PALLD: variants seen among roughly 807,000 people sequenced by gnomAD.
PALLD encodes the protein palladin, cytoskeletal associated protein.
In PALLD, 61 loss-of-function variants were observed where a neutral mutation model predicts 123.5. The ratio of observed to expected loss-of-function variants is 0.49; its 90% CI spans 0.40 to 0.61. PALLD has a LOEUF of 0.61. Among genes scored for constraint, PALLD ranks in the 20% least tolerant of loss-of-function variants. The pLI is 0.00. For synonymous variants in PALLD, 465 were observed against 496.4 expected (o/e 0.94, Z 0.84); for missense variants, 1,273 against 1,377.0 (o/e 0.92, Z 1.20).
chr4:168,782,336 A>G (rs888715960), intron 10 of PALLD, among the ~76,000 whole-genome samples: 3 of 152,244 alleles, frequency 2.0e-5, no homozygotes, highest in African/African-American at 7.2e-5. Context: ...GTAGATGCTT[A>G]ATTTTTAAAA....
chr4:168,828,701 A>T (rs1484405420), intron 10 of PALLD, among the ~76,000 whole-genome samples: 2 of 152,272 alleles, frequency 1.3e-5, no homozygotes, highest in Non-Finnish European at 2.9e-5. Flanking sequence ...TTTTCTCCCC[A>T]AATACTTGGC....
chr4:168,832,709 C>T (rs1744454781), intron 10 of PALLD: 1 of 152,308 alleles, frequency 6.6e-6, no homozygotes, highest in African/African-American at 2.4e-5. Flanking sequence ...CAAGCCCATC[C>T]TCCTTTCTTT....
At chr4:168,571,977 A>C (rs953868204) in intron 2 of PALLD, among the ~76,000 whole-genome samples, 1 of 152,162 alleles carries the variant, frequency 6.6e-6, no homozygotes, top group African/African-American at 2.4e-5. Context: ...CTGTAATCCC[A>C]GCACTTTGGG....
chr4:168,657,704 C>T (rs562377403), intron 2 of PALLD, among the ~76,000 whole-genome samples: 2 of 152,304 alleles, frequency 1.3e-5, no homozygotes, highest in African/African-American at 2.4e-5. Flanking sequence ...GGAACAGGCA[C>T]CTGAGACTAG....
In PALLD at chr4:168,785,058, C is replaced by CTTT. The variant is rs746597278; in HGVS notation, c.1964+73162_1964+73164dup. On this transcript the variant is annotated intron_variant, in intron 10 of 21. Coordinates refer to ENST00000505667, the MANE Select transcript of PALLD (RefSeq NM_001166108.2). ...AGCCCCAGCTTTTTTCTCCCTTTTG[C>CTTT]TTTTTTTTTTTTTTTTTTTTTTTTT... is the stretch of plus-strand genomic sequence containing the variant. Among the ~76,000 whole-genome samples the CTTT allele has an allele frequency of 9.0e-3, 763 of 84,710 alleles. 113 individuals carry two copies. The highest frequency in any genetic ancestry group is 0.034 in the African/African-American group (676 of 19,854). 55.6% of individuals were successfully genotyped at this position (84,710 alleles called of 152,430 possible).
Position 168,770,168 on chromosome 4 carries a change from T to C in PALLD, c.1964+58245T>C, listed in dbSNP as rs77257648. 0.011 allele frequency among the ~76,000 whole-genome samples: 1,631 copies of C among 152,320 alleles called. 76 individuals are homozygous for C. In the East Asian group the frequency reaches 0.17, roughly 16 times the overall value. ...TGATTTCTTTCTATCACTAGCAACA[T>C]CTACTCTGGAAACGGTTGTCTAAGG... On this transcript the variant is annotated intron_variant, in intron 10 of 21. Coordinates refer to ENST00000505667, the MANE Select transcript of PALLD (RefSeq NM_001166108.2).
At chr4:168,894,740 T>C (rs947361342) in intron 12 of PALLD, 63 bp downstream of exon 12, 4 of 1,574,994 alleles carry the variant, frequency 2.5e-6, no homozygotes, top group African/African-American at 2.7e-5. Context: ...CCATCTTCCT[T>C]ATGGATACTG....
chr4:168,647,907 AG>A, intron 2 of PALLD: 1 of 152,042 alleles, frequency 6.6e-6, no homozygotes, highest in East Asian at 1.9e-4. Context: ...CAAGTTGAAA[AG>A]CTCCCATTTA....
At chr4:168,594,854 C>T (rs1157994428) in intron 2 of PALLD, among the ~76,000 whole-genome samples, 1 of 152,004 alleles carries the variant, frequency 6.6e-6, no homozygotes, top group South Asian at 2.1e-4. Flanking sequence ...AATAATAGAT[C>T]AAGAACAAGG....
intron 10 of PALLD, among the ~76,000 whole-genome samples, chr4:168,811,948 T>C (rs557233887): frequency 6.6e-6 from 1 of 152,292 alleles, no homozygotes; most frequent in East Asian, 1.9e-4. Flanking sequence ...CCCTCGCCTG[T>C]TTCCTGAAGG....
intron 2 of PALLD, among the ~76,000 whole-genome samples, chr4:168,624,185 AT>A (rs139629117): frequency 0.18 from 27,790 of 152,072 alleles, 3,066 homozygotes; most frequent in African/African-American, 0.31. Context: ...AAAATTCTAA[AT>A]GAATACTGGC....
chr4:168,556,222 A>T (rs1417588498), intron 2 of PALLD, among the ~76,000 whole-genome samples: 1 of 151,958 alleles, frequency 6.6e-6, no homozygotes. Context: ...CGGCCTCCAG[A>T]GTAGCTGGGA....
chr4:168,565,096 G>C (rs1456660187), intron 2 of PALLD, among the ~76,000 whole-genome samples: 5 of 152,008 alleles, frequency 3.3e-5, no homozygotes. Flanking sequence ...AGGAGGCTGA[G>C]GCAGCAGATG....
At chr4:168,683,968 G>A (rs1378418249) in intron 5 of PALLD, among the ~76,000 whole-genome samples, 2 of 152,114 alleles carry the variant, frequency 1.3e-5, no homozygotes, top group South Asian at 4.1e-4. Flanking sequence ...GAATCAACAA[G>A]TATCAGTTAC....
At chr4:168,909,170 C>T (rs571021990) in intron 15 of PALLD, among the ~76,000 whole-genome samples, 36 of 152,272 alleles carry the variant, frequency 2.4e-4, no homozygotes, top group African/African-American at 6.7e-4. Context: ...TTAAGAACAA[C>T]GACATCTAAA....
In PALLD at chr4:168,913,539, G is replaced by A. The variant is rs1759476925; in HGVS notation, c.2623-388G>A. Among the ~76,000 whole-genome samples the A allele has an allele frequency of 2.6e-5, 4 of 152,276 alleles. No homozygotes were observed. The South Asian group carries it at 8.3e-4, about 32-fold the overall frequency. Reference sequence around the variant, plus strand: ...ATTTCAGAATTGGCTACAGCTGGTAGATGACCATGAAAATGGAATCTTCAC... The same window carrying A: ...ATTTCAGAATTGGCTACAGCTGGTAAATGACCATGAAAATGGAATCTTCAC... On this transcript the variant is annotated intron_variant, in intron 15 of 21. Transcript: ENST00000505667.
Position 168,668,321 on chromosome 4 carries a change from C to A in PALLD, c.1040C>A (p.Thr347Lys). Reference protein sequence around the residue: ...DDTGRYTCLATNPSGSDTTSA... With the variant: ...DDTGRYTCLAKNPSGSDTTSA... The stretch of plus-strand genomic sequence containing the variant: ...ACAGGTCGCTACACCTGTTTGGCTA[C>A]GAATCCCAGCGGCTCAGACACAACA... Residue 347 changes from threonine (T) to lysine (K), a missense_variant, in exon 3 of 22, where the codon ACG becomes AAG. By Grantham distance (78) the Thr-to-Lys change is moderately conservative. This residue lies in a region of PALLD where 944 missense variants were observed against 954.5 expected (regional missense o/e 0.99). Coordinates refer to ENST00000505667, the MANE Select transcript of PALLD (RefSeq NM_001166108.2). The A allele has an allele frequency of 2.5e-6, 4 of 1,612,194 alleles. No individual in the cohort carries two copies. The Admixed American group carries it at 5.0e-5, about 20-fold the overall frequency.
chr4:168,761,658 T>TTTTTTTTTTTTTTTTTTTTTTTTG (rs1732924246), intron 10 of PALLD, among the ~76,000 whole-genome samples: 2 of 43,074 alleles, frequency 4.6e-5, no homozygotes, highest in Non-Finnish European at 1.1e-4. Flanking sequence ...TTTTTTTTTT[T>TTTTTTTTTTTTTTTTTTTTTTTTG]TTTTTTTTTT....
At chr4:168,841,124 C>T (rs1212896546) in intron 10 of PALLD, among the ~76,000 whole-genome samples, 3 of 152,196 alleles carry the variant, frequency 2.0e-5, no homozygotes, top group Non-Finnish European at 4.4e-5. Context: ...GCTGAGATTA[C>T]AGGTGTGAGC....
Sources: allele counts gnomAD v4.1 joint callset (sites outside exome capture counted in the v4.1 genomes callset), GRCh38; gene constraint gnomAD v4.1.1; regional missense constraint gnomAD v4.1.1; transcripts MANE v1.5; gene names NCBI Gene and HGNC (gene_info 2026-07-23, HGNC 2026-07-21).